PSKH2: variants seen among roughly 807,000 people sequenced by gnomAD.
PSKH2 encodes the protein protein serine kinase H2.
Under a neutral mutation model 22.5 loss-of-function variants are expected in PSKH2, and 16 were observed. The ratio of observed to expected loss-of-function variants is 0.71; its 90% CI spans 0.48 to 1.08. PSKH2 has a LOEUF of 1.08. PSKH2 is among the 50% of genes least tolerant of loss of function. The pLI is 0.00. For missense variants in PSKH2, 516 were observed against 492.8 expected (o/e 1.05, Z -0.44); for synonymous variants, 188 against 184.8 (o/e 1.02, Z -0.14).
chr8:86,056,525 A>G (rs1817699620), intron 2 of PSKH2, among the ~76,000 whole-genome samples: 1 of 152,178 alleles, frequency 6.6e-6, no homozygotes, highest in African/African-American at 2.4e-5. Flanking sequence ...TCACTATTCC[A>G]TGTAAAAGAT....
At position 86,064,224 on chromosome 8, in the gene PSKH2, G is replaced by A. The variant is rs574240737; in HGVS notation, c.593C>T (p.Ser198Leu). The A allele has an allele frequency of 1.5e-5, 25 of 1,613,836 alleles. No homozygotes were observed. The highest frequency in any genetic ancestry group is 6.7e-5 in the East Asian group (3 of 44,870). ...NLLYYHPGEE[S>L]KILITDFGLA... The stretch of plus-strand genomic sequence containing the variant: ...ACCAAAATCTGTAATTAAAATTTTC[G>A]ACTCTTCACCTGGATGATAGTATAA... The change falls in exon 2 of 3, where the codon TCG (serine) becomes TTG (leucine). Residue 198 changes from serine to leucine, a missense_variant. Coordinates refer to ENST00000276616, the MANE Select transcript of PSKH2 (RefSeq NM_033126.3).
At chr8:86,069,908 A>C (rs1169121871), upstream of PSKH2, among the ~76,000 whole-genome samples, 1 of 152,184 alleles carries the variant, frequency 6.6e-6, no homozygotes, top group Non-Finnish European at 1.5e-5. Flanking sequence ...CTGCATCTCT[A>C]ACCTGACAAA....
chr8:86,049,700 AAG>A (rs1329872173), intron 2 of PSKH2, among the ~76,000 whole-genome samples: 1 of 39,054 alleles, frequency 2.6e-5, no homozygotes, highest in African/African-American at 1.0e-4. Flanking sequence ...GAAAGAAAGA[AAG>A]AAAGAAAGAA....
At chr8:86,059,466 TTGCTTTTTC>T (rs1284840881) in intron 2 of PSKH2, among the ~76,000 whole-genome samples, 6 of 152,200 alleles carry the variant, frequency 3.9e-5, no homozygotes, top group African/African-American at 1.4e-4. Context: ...AATGCATTCC[TTGCTTTTTC>T]CAGCTCCTAG....
At position 86,048,398 on chromosome 8, in the gene PSKH2, A is replaced by C; in HGVS notation, c.*64T>G. 3 of 1,209,390 alleles carry C rather than the reference A, an allele frequency of 2.5e-6. No individual in the cohort carries two copies. Among genetic ancestry groups the C allele is most frequent in the Non-Finnish European group, 3.6e-6 (3 of 842,166 alleles). The allele number at this position is 1,209,390 out of a possible 1,614,324, so 74.9% of individuals were successfully genotyped here. A position where few individuals can be genotyped will look rare whatever the true frequency, so the allele number is the denominator to read the frequency against. The stretch of plus-strand genomic sequence containing the variant: ...TGGAGTCCCGTGTCTTTGGAGCTTG[A>C]GGGTGCCCTAATCATGATGAAATGG... On this transcript the variant is annotated 3_prime_UTR_variant, in exon 3 of 3. Transcript: ENST00000276616.
chr8:86,055,215 T>C (rs896978986), intron 2 of PSKH2, among the ~76,000 whole-genome samples: 1 of 152,200 alleles, frequency 6.6e-6, no homozygotes, highest in African/African-American at 2.4e-5. Flanking sequence ...CTCTCAACTC[T>C]GTGAATTCCA....
Position 86,048,229 on chromosome 8 carries a change from T to C in PSKH2, c.*233A>G. On this transcript the variant is annotated 3_prime_UTR_variant, in exon 3 of 3. Coordinates refer to ENST00000276616, the MANE Select transcript of PSKH2 (RefSeq NM_033126.3). ...AAAGATTTTCTTATCTATTTATTGT[T>C]TCCAGTTATCTAAACATAGCTAGTA... 2.4e-6 allele frequency: 1 copy of C among 412,616 alleles called. No individual in the cohort carries two copies. The highest frequency in any genetic ancestry group is 4.3e-6 in the Non-Finnish European group (1 of 230,116). 25.6% of individuals were successfully genotyped at this position (412,616 alleles called of 1,614,324 possible). A position where few individuals can be genotyped will look rare whatever the true frequency, so the allele number is the denominator to read the frequency against.
At chr8:86,053,120 A>C (rs1426316900) in intron 2 of PSKH2, among the ~76,000 whole-genome samples, 3 of 152,182 alleles carry the variant, frequency 2.0e-5, no homozygotes, top group Non-Finnish European at 4.4e-5. Flanking sequence ...TTGATGAACA[A>C]TATTCCTCTG....
At chr8:86,049,712 AAG>A (rs1817589868) in intron 2 of PSKH2, among the ~76,000 whole-genome samples, 2 of 66,096 alleles carry the variant, frequency 3.0e-5, no homozygotes, top group African/African-American at 6.0e-5. Context: ...GAAAGAAAGA[AAG>A]AAAGAAAGAA....
intron 2 of PSKH2, among the ~76,000 whole-genome samples, chr8:86,049,734 GAAAGAAAGAAA>G (rs1483798850): frequency 2.2e-5 from 1 of 45,628 alleles, no homozygotes; most frequent in Non-Finnish European, 4.5e-5. Flanking sequence ...AAGAAAGAAA[GAAAGAAAGAAA>G]GAAACGAAAG....
At position 86,063,958 on chromosome 8, in the gene PSKH2, C is replaced by T; in HGVS notation, c.852+7G>A. On this transcript the variant is annotated splice_region_variant and intron_variant, in intron 2 of 2. Coordinates refer to ENST00000276616, the MANE Select transcript of PSKH2 (RefSeq NM_033126.3). ...AACACAATAGAAATAAAATAATGCT[C>T]TCTTACCTCTCCTGTATAATTATAT... 1 of 1,600,530 alleles carries T rather than the reference C, an allele frequency of 6.2e-7. No homozygotes were observed. Among genetic ancestry groups the T allele is most frequent in the Non-Finnish European group, 8.5e-7 (1 of 1,171,994 alleles).
In PSKH2 at chr8:86,064,383, A is replaced by G; in HGVS notation, c.434T>C (p.Leu145Pro). 2 of 1,614,082 alleles carry G rather than the reference A, an allele frequency of 1.2e-6. No individual in the cohort carries two copies. The highest frequency in any genetic ancestry group is 1.7e-6 in the Non-Finnish European group (2 of 1,180,004). The part of the protein sequence containing the change: ...MVMELATGGE[L>P]FDRLIAQGSF... ...TCCCTGAGCAATGAGTCGATCAAAG[A>G]GCTCCCCTCCGGTAGCCAGCTCCAT... Residue 145 changes from leucine to proline, a missense_variant, in exon 2 of 3, where the codon CTC becomes CCC. Leu to Pro is a moderately conservative substitution (Grantham distance 98). Coordinates refer to ENST00000276616, the MANE Select transcript of PSKH2 (RefSeq NM_033126.3).
chr8:86,055,091 G>A (rs1817682495), intron 2 of PSKH2, among the ~76,000 whole-genome samples: 1 of 152,032 alleles, frequency 6.6e-6, no homozygotes, highest in African/African-American at 2.4e-5. Context: ...ATAGAATAAT[G>A]TATTTATATT....
chr8:86,066,067 G>A (rs539116860), intron 1 of PSKH2, among the ~76,000 whole-genome samples: 1 of 152,172 alleles, frequency 6.6e-6, no homozygotes, highest in African/African-American at 2.4e-5. Flanking sequence ...TTAAAATCAC[G>A]ATTGTATAGC....
chr8:86,066,401 C>G (rs1353886813), intron 1 of PSKH2: 1 of 152,024 alleles, frequency 6.6e-6, no homozygotes, highest in Non-Finnish European at 1.5e-5. Flanking sequence ...CGGGATTTCA[C>G]CATGTTTGCC....
chr8:86,063,406 A>G (rs961882882), intron 2 of PSKH2, among the ~76,000 whole-genome samples: 3 of 152,236 alleles, frequency 2.0e-5, no homozygotes, highest in East Asian at 1.9e-4. Context: ...TAACACATTC[A>G]TGAACACTGG....
In PSKH2 at chr8:86,069,606, C is replaced by A; in HGVS notation, c.17G>T (p.Ser6Ile). 6.3e-7 allele frequency: 1 copy of A among 1,591,234 alleles called. No individual in the cohort carries two copies. Residue 6 changes from serine (S) to isoleucine (I), a missense_variant, in exon 1 of 3, where the codon AGC becomes ATC. Physicochemically the swap from Ser to Ile is moderately radical, Grantham distance 142. Coordinates refer to ENST00000276616, the MANE Select transcript of PSKH2 (RefSeq NM_033126.3). ...TGGTGGCCCCGGGACCACCTTCCTGCTGGCGCCGCACCCCATACCCGCAAC... is the reference window on the plus strand; with the variant it reads ...TGGTGGCCCCGGGACCACCTTCCTGATGGCGCCGCACCCCATACCCGCAAC... MGCGA[S>I]RKVVPGPPAL...
At position 86,064,267 on chromosome 8, in the gene PSKH2, G is replaced by A; in HGVS notation, c.550C>T (p.Leu184=). 1 of 1,614,120 alleles carries A rather than the reference G, an allele frequency of 6.2e-7. No individual in the cohort carries two copies. Among genetic ancestry groups the A allele is most frequent in the Non-Finnish European group, 8.5e-7 (1 of 1,180,010 alleles). The change falls in exon 2 of 3, where the codon CTA becomes TTA. Residue 184 remains leucine (L), a synonymous_variant. Coordinates refer to ENST00000276616, the MANE Select transcript of PSKH2 (RefSeq NM_033126.3). ...TAGTATAAGAGGTTTTCAGGCTTTA[G>A]ATTCCTATGAGTTATCTGCAGCGCA... ...LHALQITHRN[L]KPENLLYYHP...
chr8:86,069,874 G>C (rs1252332697), upstream of PSKH2, among the ~76,000 whole-genome samples: 1 of 152,178 alleles, frequency 6.6e-6, no homozygotes. Context: ...CAGAACCTGC[G>C]CCTAATTGTC....
Sources: gnomAD v4.1 joint callset for allele counts (sites outside exome capture counted in the v4.1 genomes callset) on GRCh38, gnomAD v4.1.1 for gene constraint, MANE v1.5 for transcripts, NCBI Gene and HGNC (gene_info 2026-07-23, HGNC 2026-07-21) for gene names.